Variants in RET observed in about 807,000 individuals in gnomAD.
The protein encoded by RET is proto-oncogene tyrosine-protein kinase receptor Ret.
RET carries 19 observed loss-of-function variants against 118.3 expected under a neutral mutation model. The ratio of observed to expected loss-of-function variants is 0.16; its 90% CI spans 0.11 to 0.24. The LOEUF is 0.24. Among genes scored for constraint, RET ranks in the 10% least tolerant of loss-of-function variants. The pLI is 1.00. For synonymous variants in RET, 597 were observed against 644.1 expected (o/e 0.93, Z 1.11); for missense variants, 1,219 against 1,502.1 (o/e 0.81, Z 3.12).
In RET at chr10:43,129,551, C is replaced by T. The variant is rs1004876964; in HGVS notation, c.*1282C>T. 2.1e-5 allele frequency: 5 copies of T among 238,478 alleles called. No individual in the cohort carries two copies. Among genetic ancestry groups the T allele is most frequent in the African/African-American group, 1.1e-4 (5 of 45,570 alleles). 14.8% of individuals were successfully genotyped at this position (238,478 alleles called of 1,614,324 possible). On this transcript the variant is annotated 3_prime_UTR_variant, in exon 20 of 20. Transcript: ENST00000355710. ...CACTCCTCCAGTCTTGTGGGGGCAG[C>T]TTTTGGGAAGTCTCAGCAGCTCTTC...
rs761430718 is a variant in RET, at chr10:43,112,115, G to A, written c.1539G>A (p.Ala513=). The change falls in exon 8 of 20, where the codon GCG becomes GCA. Residue 513 remains alanine, a synonymous_variant. Transcript: ENST00000355710. ...TVEGSYVAEE[A]GCPLSCAVSK... is the part of the protein sequence containing the mutation. ...CACCTGCAGATGTGGCCGAGGAGGC[G>A]GGCTGCCCCCTGTCCTGTGCAGTCA... The A allele has an allele frequency of 6.9e-5, 110 of 1,602,106 alleles. No homozygotes were observed. Among genetic ancestry groups the A allele is most frequent in the Non-Finnish European group, 8.9e-5 (104 of 1,174,588 alleles).
At chr10:43,090,544 C>T (rs1564486161) in intron 1 of RET, among the ~76,000 whole-genome samples, 2 of 152,094 alleles carry the variant, frequency 1.3e-5, no homozygotes, top group African/African-American at 2.4e-5. Context: ...TCAGGCACAA[C>T]CAGGTGACTC....
Position 43,128,139 on chromosome 10 carries a change from A to G in RET, c.3215A>G (p.Glu1072Gly). Reference sequence around the variant, plus strand: ...ATGTCAGACCCGAACTGGCCTGGAGAGAGTCCTGTACCACTCACGAGAGCT... The same window carrying G: ...ATGTCAGACCCGAACTGGCCTGGAGGGAGTCCTGTACCACTCACGAGAGCT... ...YGMSDPNWPG[E>G]SPVPLTRADG... Residue 1072 changes from glutamate to glycine, a missense_variant, in exon 20 of 20, where the codon GAG becomes GGG. This residue lies in a region of RET where 174 missense variants were observed against 179.3 expected (regional missense o/e 0.97). Coordinates refer to ENST00000355710, the MANE Select transcript of RET (RefSeq NM_020975.6). 1 of 1,614,178 alleles carries G rather than the reference A, an allele frequency of 6.2e-7. No homozygotes were observed. The highest frequency in any genetic ancestry group is 1.3e-5 in the African/African-American group (1 of 75,056).
At chr10:43,091,732 GAA>G (rs1293840298) in intron 1 of RET, among the ~76,000 whole-genome samples, 1 of 146,046 alleles carries the variant, frequency 6.8e-6, no homozygotes, top group Non-Finnish European at 1.5e-5. Flanking sequence ...AGAAGCACAT[GAA>G]AAGATTCTCA....
At position 43,126,769 on chromosome 10, in the gene RET, T is replaced by C. The variant is rs2075912; in HGVS notation, c.3187+47T>C. ...CTAGATTCTAGCACCGCTGTCCCCT[T>C]TGCACTATCCTTCCTCTCTGTGATG... On this transcript the variant is annotated intron_variant, in intron 19 of 19. Transcript: ENST00000355710. The C allele has an allele frequency of 0.81, 1,306,970 of 1,605,984 alleles. 535,503 individuals carry two copies. The highest frequency in any genetic ancestry group is 0.91 in the African/African-American group (68,430 of 74,822).
Position 43,114,801 on chromosome 10 carries a change from C to A in RET, c.2136+65C>A, listed in dbSNP as rs2132857168. The A allele has an allele frequency of 6.6e-7, 1 of 1,514,774 alleles. No homozygotes were observed. 93.8% of individuals were successfully genotyped at this position (1,514,774 alleles called of 1,614,324 possible). A position where few individuals can be genotyped will look rare whatever the true frequency, so the allele number is the denominator to read the frequency against. ...CCCAGCTGCCTTCCAGGGAGGGAGG[C>A]CAGCTGGGGAGACAGAGGCCATCCT... On this transcript the variant is annotated intron_variant, in intron 11 of 19. Coordinates refer to ENST00000355710, the MANE Select transcript of RET (RefSeq NM_020975.6). The surrounding 1 kb of genome is among the most constrained non-coding windows in gnomAD (Gnocchi z 4.6).
chr10:43,105,150 G>C lies in RET; in HGVS notation c.824G>C (p.Gly275Ala), dbSNP rs143209223. 6.2e-7 allele frequency: 1 copy of C among 1,612,754 alleles called. No homozygotes were observed. Among genetic ancestry groups the C allele is most frequent in the Non-Finnish European group, 8.5e-7 (1 of 1,179,862 alleles). ...GACTCGGCGCCCACCTTCCCCGCGG[G>C]CGTCGACACCGCCAGCGCCGTGGTG... ...EDDSAPTFPA[G>A]VDTASAVVEF... Residue 275 changes from glycine (G) to alanine (A), a missense_variant, in exon 4 of 20, where the codon GGC (glycine) becomes GCC (alanine). By Grantham distance (60) the Gly-to-Ala change is moderately conservative. Transcript: ENST00000355710.
rs866363789 is a variant in RET at position 43,119,438 on chromosome 10, G to A, written c.2393-93G>A. 6.0e-5 allele frequency: 63 copies of A among 1,051,122 alleles called. No individual in the cohort carries two copies. In the Admixed American group the frequency reaches 8.4e-4, roughly 14 times the overall value. 65.1% of individuals were successfully genotyped at this position (1,051,122 alleles called of 1,614,324 possible). The stretch of plus-strand genomic sequence containing the variant: ...CCACCCCCTTACTCATTGGGTGGCC[G>A]GGCCTGGGGACCCTGCGGCCTCCCA... On this transcript the variant is annotated intron_variant, in intron 13 of 19. Transcript: ENST00000355710.
At chr10:43,081,470 G>A (rs113533307) in intron 1 of RET, among the ~76,000 whole-genome samples, 3,157 of 152,288 alleles carry the variant, frequency 0.021, 101 homozygotes, top group African/African-American at 0.071. Context: ...AGGGACTTCC[G>A]CATGCGTGTG....
chr10:43,078,226 C>G (rs1042760232), intron 1 of RET, among the ~76,000 whole-genome samples: 1 of 152,216 alleles, frequency 6.6e-6, no homozygotes, highest in Non-Finnish European at 1.5e-5. Context: ...GTCCCTCAAA[C>G]TGGCCCTGAC....
rs773631693 is a variant in RET at position 43,106,436 on chromosome 10, C to A, written c.928C>A (p.Leu310Met). Residue 310 changes from leucine (L) to methionine (M), a missense_variant, in exon 5 of 20, where the codon CTG becomes ATG. Transcript: ENST00000355710. This position sits in a 1 kb window ranked among gnomAD's most constrained non-coding sequence, Gnocchi z 5.1. ...AGACGTGGTACCTGCATCAGGGGAGCTGGTGAGGCGGTACACAAGCACGCT... is the reference window on the plus strand; with the variant it reads ...AGACGTGGTACCTGCATCAGGGGAGATGGTGAGGCGGTACACAAGCACGCT... Reference protein sequence around the residue: ...DADVVPASGELVRRYTSTLLP... With the variant: ...DADVVPASGEMVRRYTSTLLP... 6.2e-7 allele frequency: 1 copy of A among 1,613,530 alleles called. No homozygotes were observed. The highest frequency in any genetic ancestry group is 8.5e-7 in the Non-Finnish European group (1 of 1,179,868).
chr10:43,091,623 T>A (rs1588857226), intron 1 of RET, among the ~76,000 whole-genome samples: 3 of 130,664 alleles, frequency 2.3e-5, no homozygotes, highest in Non-Finnish European at 1.6e-5. Context: ...AGAGTGAGAC[T>A]CCATACAAAA....
intron 1 of RET, among the ~76,000 whole-genome samples, 192 bp from the exon 2 acceptor site, chr10:43,100,267 C>A (rs1400556847): frequency 6.6e-6 from 1 of 152,104 alleles, no homozygotes; most frequent in East Asian, 1.9e-4. Flanking sequence ...GTTTCCTTTT[C>A]TTTTTCTGTT....
intron 15 of RET, 44 bp downstream of exon 15, chr10:43,120,247 G>GT: frequency 6.2e-7 from 1 of 1,609,310 alleles, no homozygotes; most frequent in Non-Finnish European, 8.5e-7. Context: ...GGGATCCCAG[G>GT]TGCACCATGG....
At chr10:43,088,182 G>T (rs1837331940) in intron 1 of RET, among the ~76,000 whole-genome samples, 1 of 151,776 alleles carries the variant, frequency 6.6e-6, no homozygotes, top group Non-Finnish European at 1.5e-5. Context: ...CAACGGTGAT[G>T]GTGGTGGTGA....
At chr10:43,105,251 T>C (rs1837742979) in intron 4 of RET, 58 bp downstream of exon 4, 1 of 1,609,052 alleles carries the variant, frequency 6.2e-7, no homozygotes, top group East Asian at 2.2e-5. Flanking sequence ...ACAGTTCGTT[T>C]CTCGGTCGGT....
At chr10:43,127,341 C>T (rs1226390630) in intron 19 of RET, 3 of 1,067,820 alleles carry the variant, frequency 2.8e-6, no homozygotes, top group South Asian at 8.9e-5. Context: ...CATCCTTTCC[C>T]TTACCCACCT....
chr10:43,128,606 A>T lies in RET; in HGVS notation c.*337A>T. The T allele has an allele frequency of 2.2e-6, 1 of 452,232 alleles. No individual in the cohort carries two copies. Among genetic ancestry groups the T allele is most frequent in the Non-Finnish European group, 4.1e-6 (1 of 243,532 alleles). The allele number at this position is 452,232 out of a possible 1,614,324, so 28.0% of individuals were successfully genotyped here. On this transcript the variant is annotated 3_prime_UTR_variant, in exon 20 of 20. Coordinates refer to ENST00000355710, the MANE Select transcript of RET (RefSeq NM_020975.6). ...GTTCACATGTGTGGGTCCAACACTT[A>T]CTACCTGGTGTATGAAATTGGACCT...
chr10:43,080,750 T>C (rs879372912), intron 1 of RET, among the ~76,000 whole-genome samples: 3 of 152,228 alleles, frequency 2.0e-5, no homozygotes, highest in Non-Finnish European at 4.4e-5. Flanking sequence ...TTAGTTGATG[T>C]CTGGGAGTCC....
Sources: gnomAD v4.1 joint callset for allele counts (sites outside exome capture counted in the v4.1 genomes callset) on GRCh38, gnomAD v4.1.1 for gene constraint, gnomAD v4.1.1 regional missense constraint, Gnocchi (gnomAD v3.1) non-coding constraint, MANE v1.5 for transcripts, NCBI Gene and HGNC (gene_info 2026-07-23, HGNC 2026-07-21) for gene names.